DYRK1A: variants seen among roughly 807,000 people sequenced by gnomAD.
DYRK1A encodes the protein dual specificity tyrosine phosphorylation regulated kinase 1A, also known as dual specificity tyrosine-phosphorylation-regulated kinase 1A.
In DYRK1A, 9 loss-of-function variants were observed where a neutral mutation model predicts 79.7. The observed-to-expected ratio is 0.11, with a 90% CI of 0.07 to 0.20. DYRK1A has a LOEUF of 0.20. Ranked by LOEUF, DYRK1A falls within the 10% of genes least tolerant of loss-of-function variation. The pLI is 1.00. For synonymous variants in DYRK1A, 349 were observed against 329.7 expected (o/e 1.06, Z -0.63); for missense variants, 622 against 956.0 (o/e 0.65, Z 4.61).
intron 8 of DYRK1A, among the ~76,000 whole-genome samples, chr21:37,495,075 C>T (rs548172005): frequency 6.6e-6 from 1 of 151,576 alleles, no homozygotes; most frequent in South Asian, 2.1e-4. Flanking sequence ...TGGTTCCTAG[C>T]ATATAATAGG....
chr21:37,417,523 C>G (rs139046629), intron 1 of DYRK1A, among the ~76,000 whole-genome samples: 1 of 47,160 alleles, frequency 2.1e-5, no homozygotes, highest in African/African-American at 9.7e-5. Flanking sequence ...TTTTCTTTTT[C>G]TTTTTCTTTT....
intron 1 of DYRK1A, among the ~76,000 whole-genome samples, chr21:37,381,084 T>G (rs2049648393): frequency 6.6e-6 from 1 of 152,212 alleles, no homozygotes; most frequent in Non-Finnish European, 1.5e-5. Flanking sequence ...AGTGTTTTGC[T>G]CTCTCTTGCA....
intron 3 of DYRK1A, among the ~76,000 whole-genome samples, chr21:37,473,935 A>G (rs2052313236): frequency 6.6e-6 from 1 of 152,242 alleles, no homozygotes; most frequent in East Asian, 1.9e-4. Flanking sequence ...GTGTACCAGA[A>G]GAAAACTGCC....
rs1005590128 is a variant in DYRK1A, at chr21:37,514,041, A to G, written c.*1510A>G. The G allele has an allele frequency of 1.5e-4, 23 of 152,678 alleles. No individual in the cohort carries two copies. The highest frequency in any genetic ancestry group is 2.9e-4 in the Non-Finnish European group (20 of 68,036). 9.5% of individuals were successfully genotyped at this position (152,678 alleles called of 1,614,324 possible). On this transcript the variant is annotated 3_prime_UTR_variant, in exon 12 of 12. Transcript: ENST00000647188. ...GATTGACATCTAATTCAAGATTACA[A>G]CATCTGTTACATTCTAAGTGTGTTC...
At chr21:37,430,138 A>G (rs1252882209) in intron 2 of DYRK1A, 3 of 211,604 alleles carry the variant, frequency 1.4e-5, no homozygotes, top group Non-Finnish European at 2.4e-5. Context: ...ATTTGAAATG[A>G]GAGCTTTAGA....
At chr21:37,404,717 C>T (rs2050117711) in intron 1 of DYRK1A, among the ~76,000 whole-genome samples, 1 of 152,180 alleles carries the variant, frequency 6.6e-6, no homozygotes, top group Non-Finnish European at 1.5e-5. Context: ...TGTCAGAAAA[C>T]AGTTGGCGCA....
In DYRK1A at chr21:37,514,475, A is replaced by AC. The variant is rs1372923403; in HGVS notation, c.*1945dup. On this transcript the variant is annotated 3_prime_UTR_variant, in exon 12 of 12. Coordinates refer to ENST00000647188, the MANE Select transcript of DYRK1A (RefSeq NM_001347721.2). ...AACCTGTTTAAGATGACTCAGCAGA[A>AC]CACCGCGTTTCATTCTATTGGTCAA... is the stretch of plus-strand genomic sequence containing the variant. The AC allele has an allele frequency of 1.3e-5, 2 of 152,668 alleles. No individual in the cohort carries two copies. The highest frequency in any genetic ancestry group is 2.9e-5 in the Non-Finnish European group (2 of 68,040). 9.5% of individuals were successfully genotyped at this position (152,668 alleles called of 1,614,324 possible).
chr21:37,504,269 C>T (rs1208334647), intron 9 of DYRK1A: 3 of 152,466 alleles, frequency 2.0e-5, no homozygotes, highest in Non-Finnish European at 4.4e-5. Context: ...CTCTCTGTGC[C>T]TGGGAGATCG....
intron 6 of DYRK1A, chr21:37,488,448 A>G (rs559304713): frequency 2.8e-6 from 2 of 706,672 alleles, no homozygotes; most frequent in South Asian, 6.4e-5. Context: ...CTTGTCTTTG[A>G]ACTTTAAAAA....
chr21:37,443,841 C>T (rs1232413179), intron 2 of DYRK1A, among the ~76,000 whole-genome samples: 1 of 152,152 alleles, frequency 6.6e-6, no homozygotes, highest in Non-Finnish European at 1.5e-5. Context: ...TTTATAATAA[C>T]ACCAGTCATA....
At chr21:37,505,966 C>T in intron 10 of DYRK1A, 133 bp from the exon 11 acceptor site, 1 of 1,144,928 alleles carries the variant, frequency 8.7e-7, no homozygotes, top group Non-Finnish European at 1.2e-6. Flanking sequence ...GATATACTTT[C>T]AAGTTAATAT....
At chr21:37,440,719 A>G (rs2051076702) in intron 2 of DYRK1A, among the ~76,000 whole-genome samples, 1 of 152,038 alleles carries the variant, frequency 6.6e-6, no homozygotes, top group South Asian at 2.1e-4. Context: ...TTTTACTTAC[A>G]TGGTTCTGTT....
At position 37,407,916 on chromosome 21, in the gene DYRK1A, T is replaced by A. The variant is rs1446903147; in HGVS notation, c.-76-12383T>A. Among the ~76,000 whole-genome samples, 6 of 152,228 alleles carry A rather than the reference T, an allele frequency of 3.9e-5. No homozygotes were observed. The South Asian group carries it at 1.0e-3, about 26-fold the overall frequency. On this transcript the variant is annotated intron_variant, in intron 1 of 11. Transcript: ENST00000647188. ...TTGACCTGTGTCGATCACTCAAAAC[T>A]AGCTGATGACATCTGAAAGGGAGTT...
intron 2 of DYRK1A, among the ~76,000 whole-genome samples, chr21:37,444,211 T>G (rs1341372273): frequency 6.6e-6 from 1 of 152,228 alleles, no homozygotes; most frequent in African/African-American, 2.4e-5. Context: ...TTTGAAGACC[T>G]GGAGAGGATT....
intron 2 of DYRK1A, among the ~76,000 whole-genome samples, chr21:37,470,416 G>A (rs1481415953): frequency 6.6e-6 from 1 of 152,188 alleles, no homozygotes; most frequent in East Asian, 1.9e-4. Flanking sequence ...AAAAACAGAA[G>A]CTAACATTTT....
At chr21:37,505,768 C>T (rs911638026) in intron 10 of DYRK1A, among the ~76,000 whole-genome samples, 179 bp downstream of exon 10, 2 of 152,170 alleles carry the variant, frequency 1.3e-5, no homozygotes, top group African/African-American at 4.8e-5. Flanking sequence ...TATTTAGTTA[C>T]GCATGTAATA....
At chr21:37,467,196 A>G (rs1281637940) in intron 2 of DYRK1A, among the ~76,000 whole-genome samples, 1 of 152,034 alleles carries the variant, frequency 6.6e-6, no homozygotes, top group Admixed American at 6.5e-5. Flanking sequence ...TCTACCACAC[A>G]CGCATAAAAT....
chr21:37,457,269 G>A (rs1160272118), intron 2 of DYRK1A, among the ~76,000 whole-genome samples: 1 of 152,082 alleles, frequency 6.6e-6, no homozygotes, highest in Non-Finnish European at 1.5e-5. Flanking sequence ...GTCTCACTCT[G>A]TTGCCCAGAC....
chr21:37,508,639 T>G (rs2053664822), intron 11 of DYRK1A, among the ~76,000 whole-genome samples: 1 of 151,976 alleles, frequency 6.6e-6, no homozygotes, highest in Admixed American at 6.6e-5. Context: ...TGAAGTGAAA[T>G]GTAGACTTAT....
Sources: allele counts gnomAD v4.1 joint callset (sites outside exome capture counted in the v4.1 genomes callset), GRCh38; gene constraint gnomAD v4.1.1; transcripts MANE v1.5; gene names NCBI Gene and HGNC (gene_info 2026-07-23, HGNC 2026-07-21).